MSRA: variants seen among roughly 807,000 people sequenced by gnomAD.
MSRA encodes methionine sulfoxide reductase A.
MSRA carries 54 observed loss-of-function variants against 31.3 expected under a neutral mutation model. That is an observed-to-expected ratio of 1.73 (90% CI 1.39 to 2.17). MSRA has a LOEUF of 2.17. MSRA is among the 30% of genes most tolerant of loss of function. The pLI is 0.00. For missense variants in MSRA, 507 were observed against 300.9 expected (o/e 1.69, Z -5.07); for synonymous variants, 169 against 116.5 (o/e 1.45, Z -2.90).
chr8:10,275,282 G>C (rs1391851782), intron 3 of MSRA, among the ~76,000 whole-genome samples: 1 of 152,204 alleles, frequency 6.6e-6, no homozygotes, highest in Non-Finnish European at 1.5e-5. Context: ...CAAGTTTGAA[G>C]TTTCAGAAAT....
intron 1 of MSRA, among the ~76,000 whole-genome samples, chr8:10,056,030 G>T (rs1802342550): frequency 6.6e-6 from 1 of 151,762 alleles, no homozygotes; most frequent in African/African-American, 2.4e-5. Context: ...AATATAACCA[G>T]ATTATCTAAA....
chr8:10,209,773 A>G (rs1320686216), intron 2 of MSRA, among the ~76,000 whole-genome samples: 1 of 152,216 alleles, frequency 6.6e-6, no homozygotes, highest in Non-Finnish European at 1.5e-5. Flanking sequence ...CTCTTGGAGC[A>G]GGGGGCAGCC....
At chr8:10,065,393 T>C (rs189867385) in intron 1 of MSRA, among the ~76,000 whole-genome samples, 423 of 152,344 alleles carry the variant, frequency 2.8e-3, no homozygotes, top group African/African-American at 9.7e-3. Context: ...GTTTTTTTTC[T>C]TCAGGCTTAT....
chr8:10,324,022 G>A (rs547848301), intron 5 of MSRA, among the ~76,000 whole-genome samples: 14 of 152,174 alleles, frequency 9.2e-5, no homozygotes, highest in Admixed American at 8.5e-4. Context: ...TGAAAGTTCA[G>A]TGTTTTCGTA....
At chr8:10,060,432 A>G (rs1802646792) in intron 1 of MSRA, among the ~76,000 whole-genome samples, 2 of 152,242 alleles carry the variant, frequency 1.3e-5, no homozygotes, top group South Asian at 4.1e-4. Flanking sequence ...AAACTTTGAA[A>G]GGATAGCTAA....
chr8:10,377,766 G>A (rs994555147), intron 5 of MSRA, among the ~76,000 whole-genome samples: 13 of 152,178 alleles, frequency 8.5e-5, no homozygotes, highest in African/African-American at 3.1e-4. Flanking sequence ...ACACCCTCTG[G>A]CAAGTGACTC....
At chr8:10,066,928 T>A (rs545762958) in intron 1 of MSRA, among the ~76,000 whole-genome samples, 1 of 152,092 alleles carries the variant, frequency 6.6e-6, no homozygotes, top group South Asian at 2.1e-4. Context: ...GAGTGGAAAG[T>A]ACAGAGTTCC....
intron 1 of MSRA, among the ~76,000 whole-genome samples, chr8:10,136,365 C>T (rs555586292): frequency 2.6e-5 from 4 of 152,238 alleles, no homozygotes; most frequent in South Asian, 2.1e-4. Flanking sequence ...CAGAAGGTCT[C>T]GTTCATGTTA....
At chr8:10,056,198 CAAAA>C (rs35457688) in intron 1 of MSRA, among the ~76,000 whole-genome samples, 2 of 91,010 alleles carry the variant, frequency 2.2e-5, no homozygotes, top group Non-Finnish European at 4.1e-5. Flanking sequence ...TCCCATACAC[CAAAA>C]AAAAAAAAAA....
chr8:10,130,136 A>G (rs1801792715), intron 1 of MSRA, among the ~76,000 whole-genome samples: 2 of 152,210 alleles, frequency 1.3e-5, no homozygotes, highest in African/African-American at 4.8e-5. Context: ...CTAAACATTC[A>G]TCAGACTGTC....
chr8:10,166,565 G>A (rs2129044505), intron 1 of MSRA, among the ~76,000 whole-genome samples: 1 of 152,246 alleles, frequency 6.6e-6, no homozygotes, highest in Non-Finnish European at 1.5e-5. Context: ...GGTTGTTTGT[G>A]TATGCATGTG....
intron 1 of MSRA, among the ~76,000 whole-genome samples, chr8:10,118,603 G>A (rs923734465): frequency 2.6e-5 from 4 of 151,930 alleles, no homozygotes; most frequent in South Asian, 2.1e-4. Flanking sequence ...ATCTCCCACC[G>A]CTCCGCCCAC....
intron 5 of MSRA, among the ~76,000 whole-genome samples, chr8:10,416,544 G>A (rs767529724): frequency 1.4e-4 from 21 of 152,194 alleles, no homozygotes; most frequent in Non-Finnish European, 1.9e-4. Flanking sequence ...AAGTAGGGAC[G>A]CTTCCGCTAG....
chr8:10,183,805 GTGGTGC>G lies in MSRA; in HGVS notation c.143-24025_143-24020del, dbSNP rs748313878. ...GGTGGTGGTGGTGGTGGTGGTGGTG[GTGGTGC>G]TGCTGCTGCTGCTGCTGCTGGTGGT... On this transcript the variant is annotated intron_variant, in intron 1 of 5. Transcript: ENST00000317173. Among the ~76,000 whole-genome samples, 296 of 148,810 alleles carry G rather than the reference GTGGTGC, an allele frequency of 2.0e-3. 2 individuals are homozygous for G. Among genetic ancestry groups the G allele is most frequent in the Non-Finnish European group, 2.7e-3 (184 of 67,362 alleles).
intron 5 of MSRA, among the ~76,000 whole-genome samples, chr8:10,387,123 G>A (rs954377944): frequency 1.3e-5 from 2 of 152,102 alleles, no homozygotes; most frequent in Admixed American, 1.3e-4. Flanking sequence ...TGCACGGCTC[G>A]ACCACACTTC....
intron 5 of MSRA, among the ~76,000 whole-genome samples, chr8:10,328,286 C>T (rs981161107): frequency 7.0e-6 from 1 of 143,068 alleles, no homozygotes; most frequent in Non-Finnish European, 1.5e-5. Flanking sequence ...CCCATCGGGT[C>T]ATCATTTAAC....
rs182667515 is a variant in MSRA at position 10,234,248 on chromosome 8, A to G, written c.212-10856A>G. On this transcript the variant is annotated intron_variant, in intron 2 of 5. Coordinates refer to ENST00000317173, the MANE Select transcript of MSRA (RefSeq NM_012331.5). ...CAATGATTAAAATGTTGATCACTGA[A>G]GCAATTTTAAAAAAATAACCCTCTG... Among the ~76,000 whole-genome samples, 1,195 of 152,308 alleles carry G rather than the reference A, an allele frequency of 7.8e-3. 21 individuals are homozygous for G. Among genetic ancestry groups the G allele is most frequent in the African/African-American group, 0.027 (1,111 of 41,586 alleles).
At chr8:10,081,406 C>T (rs566232562) in intron 1 of MSRA, among the ~76,000 whole-genome samples, 24 of 152,242 alleles carry the variant, frequency 1.6e-4, no homozygotes, top group African/African-American at 3.9e-4. Flanking sequence ...GTGTGTGACT[C>T]GGGGAGTTTG....
chr8:10,143,911 C>G (rs758584783), intron 1 of MSRA, among the ~76,000 whole-genome samples: 1 of 152,162 alleles, frequency 6.6e-6, no homozygotes. Context: ...AGATTCTTGT[C>G]TGCTGCTTTT....
Sources: gnomAD v4.1 joint callset for allele counts (sites outside exome capture counted in the v4.1 genomes callset) on GRCh38, gnomAD v4.1.1 for gene constraint, MANE v1.5 for transcripts, NCBI Gene and HGNC (gene_info 2026-07-23, HGNC 2026-07-21) for gene names.